The following PDE5A variants were observed in gnomAD, a reference collection of about 807,000 sequenced individuals.
PDE5A encodes phosphodiesterase 5A.
In PDE5A, 67 loss-of-function variants were observed where a neutral mutation model predicts 110.2. The ratio of observed to expected loss-of-function variants is 0.61; its 90% CI spans 0.50 to 0.75. PDE5A has a LOEUF of 0.75. PDE5A is among the 30% of genes least tolerant of loss of function. PDE5A has a pLI of 0.00. For synonymous variants in PDE5A, 328 were observed against 351.2 expected (o/e 0.93, Z 0.74); for missense variants, 862 against 1,045.1 (o/e 0.82, Z 2.42).
intron 1 of PDE5A, among the ~76,000 whole-genome samples, chr4:119,623,103 T>A (rs1053918865): frequency 6.6e-6 from 1 of 151,750 alleles, no homozygotes; most frequent in Admixed American, 6.6e-5. Context: ...GAGCTAAATA[T>A]CAAATGAATG....
At chr4:119,511,373 A>G (rs1302736941) in intron 14 of PDE5A, among the ~76,000 whole-genome samples, 2 of 152,122 alleles carry the variant, frequency 1.3e-5, no homozygotes, top group Non-Finnish European at 2.9e-5. Flanking sequence ...GAACAATTTC[A>G]TTGGTTTTAA....
At chr4:119,571,189 C>A (rs558843008) in intron 3 of PDE5A, among the ~76,000 whole-genome samples, 5 of 152,260 alleles carry the variant, frequency 3.3e-5, no homozygotes, top group African/African-American at 1.2e-4. Context: ...TCTTCTGAAT[C>A]CTAAGGAATC....
chr4:119,525,487 C>T lies in PDE5A; in HGVS notation c.1779+62G>A, dbSNP rs1726279499. 1 of 1,458,280 alleles carries T rather than the reference C, an allele frequency of 6.9e-7. No homozygotes were observed. Among genetic ancestry groups the T allele is most frequent in the Non-Finnish European group, 9.3e-7 (1 of 1,078,250 alleles). 90.3% of individuals were successfully genotyped at this position (1,458,280 alleles called of 1,614,324 possible). On this transcript the variant is annotated intron_variant, in intron 12 of 20. Coordinates refer to ENST00000354960, the MANE Select transcript of PDE5A (RefSeq NM_001083.4). This position sits in a 1 kb window ranked among gnomAD's most constrained non-coding sequence, Gnocchi z 4.3. ...CATATTTGCATTCAAAACCAATTCT[C>T]TCTCTTACATACACACACACATACA...
intron 12 of PDE5A, among the ~76,000 whole-genome samples, chr4:119,523,843 C>T (rs1222425520): frequency 6.6e-6 from 1 of 152,004 alleles, no homozygotes; most frequent in South Asian, 2.1e-4. Context: ...TGGGAGTACT[C>T]AGGAATGGAA....
At chr4:119,615,238 G>C (rs1729895287) in intron 1 of PDE5A, among the ~76,000 whole-genome samples, 1 of 152,112 alleles carries the variant, frequency 6.6e-6, no homozygotes, top group Admixed American at 6.6e-5. Flanking sequence ...TTTTTAAATA[G>C]GGGAAAAGTC....
chr4:119,553,032 A>C (rs1727413761), intron 8 of PDE5A, among the ~76,000 whole-genome samples: 1 of 152,126 alleles, frequency 6.6e-6, no homozygotes, highest in Admixed American at 6.6e-5. Context: ...GTCCTTTAAT[A>C]ATACCACTGT....
chr4:119,507,656 A>C lies in PDE5A; in HGVS notation c.2137T>G (p.Leu713Val), dbSNP rs376595968. The C allele has an allele frequency of 6.3e-7, 1 of 1,585,340 alleles. No individual in the cohort carries two copies. Among genetic ancestry groups the C allele is most frequent in the African/African-American group, 1.4e-5 (1 of 72,212 alleles). The change falls in exon 16 of 21, where the codon TTG becomes GTG. Residue 713 changes from leucine (L) to valine (V), a missense_variant. Transcript: ENST00000354960. ...GLSIEEYKTT[L>V]KIIKQAILAT... ...AAAATAGCTTGCTTGATTATTTTCA[A>C]CGTGGTCTTATATTCTTCAATGGAG...
chr4:119,596,348 T>A (rs1037183669), intron 3 of PDE5A, among the ~76,000 whole-genome samples, 175 bp downstream of exon 3: 2 of 152,038 alleles, frequency 1.3e-5, no homozygotes, highest in African/African-American at 4.8e-5. Context: ...ATTATCAGAA[T>A]TAGGCCCTGT....
At chr4:119,522,014 G>A (rs1229160586) in intron 12 of PDE5A, among the ~76,000 whole-genome samples, 3 of 152,032 alleles carry the variant, frequency 2.0e-5, no homozygotes, top group African/African-American at 7.2e-5. Flanking sequence ...AAGTACCAGG[G>A]AAAAGAATGT....
At chr4:119,556,687 A>G (rs1417613278) in intron 7 of PDE5A, among the ~76,000 whole-genome samples, 1 of 152,214 alleles carries the variant, frequency 6.6e-6, no homozygotes, top group Non-Finnish European at 1.5e-5. Context: ...GGGAAGAGGT[A>G]GCATTAGAGA....
intron 6 of PDE5A, among the ~76,000 whole-genome samples, chr4:119,561,452 G>C (rs1727743528): frequency 6.6e-6 from 1 of 152,150 alleles, no homozygotes; most frequent in South Asian, 2.1e-4. Flanking sequence ...CTTCCAAGTA[G>C]CACTGATCCA....
intron 1 of PDE5A, among the ~76,000 whole-genome samples, chr4:119,622,282 G>A (rs551722027): frequency 7.0e-4 from 106 of 152,142 alleles, no homozygotes; most frequent in African/African-American, 2.4e-3. Flanking sequence ...AGAATGTCAG[G>A]GTCTTCTCTC....
At chr4:119,544,853 A>G (rs1285194608) in intron 9 of PDE5A, among the ~76,000 whole-genome samples, 2 of 152,056 alleles carry the variant, frequency 1.3e-5, no homozygotes, top group African/African-American at 4.8e-5. Context: ...ATTAAATTAT[A>G]CCTTTGGAAT....
At chr4:119,594,439 C>T (rs191045152) in intron 3 of PDE5A, among the ~76,000 whole-genome samples, 171 of 151,968 alleles carry the variant, frequency 1.1e-3, no homozygotes, top group African/African-American at 3.5e-3. Flanking sequence ...CCTAAGTGCA[C>T]GGAATCTTAG....
chr4:119,609,174 A>T (rs980753397), intron 1 of PDE5A, among the ~76,000 whole-genome samples: 12 of 151,512 alleles, frequency 7.9e-5, no homozygotes, highest in Non-Finnish European at 1.5e-4. Context: ...AAAAAAAAAT[A>T]AAAAAAAATA....
Position 119,628,684 on chromosome 4 carries a change from G to C in PDE5A, c.-13C>G. On this transcript the variant is annotated 5_prime_UTR_variant, in exon 1 of 21. Coordinates refer to ENST00000354960, the MANE Select transcript of PDE5A (RefSeq NM_001083.4). ...CGGCCCGCTCCATGGTTGGCACCGCGCGCCTCGGAGGCTCTCTGGTACTGC... is the reference window on the plus strand; with the variant it reads ...CGGCCCGCTCCATGGTTGGCACCGCCCGCCTCGGAGGCTCTCTGGTACTGC... 1 of 1,610,252 alleles carries C rather than the reference G, an allele frequency of 6.2e-7. No homozygotes were observed. The highest frequency in any genetic ancestry group is 8.5e-7 in the Non-Finnish European group (1 of 1,179,774).
intron 1 of PDE5A, among the ~76,000 whole-genome samples, chr4:119,618,873 T>C (rs1730038645): frequency 6.6e-6 from 1 of 152,198 alleles, no homozygotes; most frequent in Non-Finnish European, 1.5e-5. Context: ...CTTACTTGGG[T>C]AAATCCTAAA....
chr4:119,592,045 G>A (rs1728983973), intron 3 of PDE5A, among the ~76,000 whole-genome samples: 1 of 151,132 alleles, frequency 6.6e-6, no homozygotes, highest in South Asian at 2.1e-4. Flanking sequence ...AGCTACTCAG[G>A]AGGCTGAGGC....
At chr4:119,501,372 A>T in intron 19 of PDE5A, 119 bp from the exon 20 acceptor site, 1 of 650,172 alleles carries the variant, frequency 1.5e-6, no homozygotes, top group Non-Finnish European at 2.7e-6. Flanking sequence ...GTGCAGTGGC[A>T]CCATCTCAGC....
Sources: allele counts gnomAD v4.1 joint callset (sites outside exome capture counted in the v4.1 genomes callset), GRCh38; gene constraint gnomAD v4.1.1; non-coding constraint Gnocchi (gnomAD v3.1); transcripts MANE v1.5; gene names NCBI Gene and HGNC (gene_info 2026-07-23, HGNC 2026-07-21).